The following CTNND2 variants were observed in gnomAD, a reference collection of about 807,000 sequenced individuals.
The protein encoded by CTNND2 is catenin delta-2.
Under a neutral mutation model 144.4 loss-of-function variants are expected in CTNND2, and 22 were observed. The ratio of observed to expected loss-of-function variants is 0.15; its 90% confidence interval spans 0.11 to 0.22. The LOEUF (loss-of-function observed/expected upper bound fraction) is 0.22, where lower values mean the gene tolerates loss of function less well. Ranked by LOEUF, CTNND2 falls within the 10% of genes least tolerant of loss-of-function variation. The probability of loss-of-function intolerance (pLI) is 1.00; values close to 1 mark genes in which losing one functional copy is unlikely to be tolerated. For missense variants in CTNND2, 1,353 were observed against 1,618.8 expected (o/e 0.84, Z 2.82); for synonymous variants, 751 against 695.6 (o/e 1.08, Z -1.25).
intron 2 of CTNND2, among the ~76,000 whole-genome samples, chr5:11,566,445 A>C (rs1286406485): frequency 6.6e-6 from 1 of 152,128 alleles, no homozygotes; most frequent in Non-Finnish European, 1.5e-5. Flanking sequence ...CCCTTTTCAT[A>C]ATATCCAACT....
At chr5:11,334,339 C>T (rs148834021) in intron 9 of CTNND2, among the ~76,000 whole-genome samples, 115 of 152,194 alleles carry the variant, frequency 7.6e-4, no homozygotes, top group African/African-American at 2.7e-3. Context: ...TTCTATGGCA[C>T]GTGAGTATCT....
chr5:11,504,149 T>C (rs1437392096), intron 3 of CTNND2, among the ~76,000 whole-genome samples: 1 of 152,192 alleles, frequency 6.6e-6, no homozygotes, highest in Non-Finnish European at 1.5e-5. Flanking sequence ...GTGAATAAGA[T>C]AACCATGAAG....
intron 16 of CTNND2, among the ~76,000 whole-genome samples, chr5:11,079,917 A>G (rs1279028675): frequency 1.3e-5 from 2 of 152,360 alleles, no homozygotes; most frequent in East Asian, 3.9e-4. Context: ...GGTCTGGGCA[A>G]TAATGTTTTT....
intron 10 of CTNND2, among the ~76,000 whole-genome samples, chr5:11,231,186 G>A (rs184362241): frequency 1.3e-5 from 2 of 152,046 alleles, no homozygotes; most frequent in Non-Finnish European, 2.9e-5. Context: ...TAAGTTTTCT[G>A]AGGCATCTCC....
At chr5:11,271,868 A>C (rs1044176624) in intron 9 of CTNND2, among the ~76,000 whole-genome samples, 2 of 152,156 alleles carry the variant, frequency 1.3e-5, no homozygotes, top group Non-Finnish European at 2.9e-5. Context: ...TAACATAAGG[A>C]GAAAACAACT....
intron 3 of CTNND2, among the ~76,000 whole-genome samples, chr5:11,446,033 G>A (rs1188264831): frequency 5.3e-5 from 8 of 152,138 alleles, no homozygotes; most frequent in East Asian, 1.9e-4. Flanking sequence ...GTGCAGTGGC[G>A]CGATCTTGGC....
At position 11,441,149 on chromosome 5, in the gene CTNND2, G is replaced by A. The variant is rs530220202; in HGVS notation, c.288-29080C>T. 9.9e-5 allele frequency among the ~76,000 whole-genome samples: 15 copies of A among 152,138 alleles called. No homozygotes were observed. The South Asian group carries it at 2.5e-3, about 25-fold the overall frequency. Reference sequence around the variant, plus strand: ...AAAAATTATATGGGGATCATATTTGGTAATTACTTTTTGTTACTGAAATGT... The same window carrying A: ...AAAAATTATATGGGGATCATATTTGATAATTACTTTTTGTTACTGAAATGT... On this transcript the variant is annotated intron_variant, in intron 3 of 21. Transcript: ENST00000304623.
chr5:11,317,888 G>A (rs1005803592), intron 9 of CTNND2, among the ~76,000 whole-genome samples: 1 of 152,164 alleles, frequency 6.6e-6, no homozygotes, highest in Non-Finnish European at 1.5e-5. Flanking sequence ...AAAGGGTGCA[G>A]GGCTTCAAAT....
intron 2 of CTNND2, among the ~76,000 whole-genome samples, chr5:11,657,342 G>A (rs1249747270): frequency 6.6e-6 from 1 of 151,992 alleles, no homozygotes; most frequent in Non-Finnish European, 1.5e-5. Flanking sequence ...TTTTCCAAAA[G>A]GTATAAAATA....
intron 13 of CTNND2, among the ~76,000 whole-genome samples, chr5:11,113,165 A>C (rs563749154): frequency 6.6e-6 from 1 of 151,876 alleles, no homozygotes; most frequent in African/African-American, 2.4e-5. Flanking sequence ...AAAAACAAGC[A>C]AAAAAAACAC....
At chr5:11,693,710 A>C (rs1785010590) in intron 2 of CTNND2, among the ~76,000 whole-genome samples, 1 of 152,228 alleles carries the variant, frequency 6.6e-6, no homozygotes, top group Admixed American at 6.5e-5. Flanking sequence ...ATTATCAATA[A>C]TTATTTAATA....
chr5:11,819,352 T>G (rs1257368812), intron 1 of CTNND2, among the ~76,000 whole-genome samples: 1 of 152,088 alleles, frequency 6.6e-6, no homozygotes, highest in Non-Finnish European at 1.5e-5. Context: ...GAGAATCACT[T>G]GAGCCCAGGA....
At chr5:11,178,954 C>A (rs1022392546) in intron 11 of CTNND2, among the ~76,000 whole-genome samples, 1 of 152,126 alleles carries the variant, frequency 6.6e-6, no homozygotes, top group South Asian at 2.1e-4. Flanking sequence ...TAAAATTACC[C>A]CACTGAGATG....
At chr5:11,654,300 T>C (rs1033136009) in intron 2 of CTNND2, among the ~76,000 whole-genome samples, 2 of 152,094 alleles carry the variant, frequency 1.3e-5, no homozygotes, top group Admixed American at 6.6e-5. Context: ...ATTACAGTCA[T>C]TCAACCTGTA....
intron 20 of CTNND2, among the ~76,000 whole-genome samples, chr5:10,985,007 G>C (rs1187197554): frequency 1.3e-5 from 2 of 152,140 alleles, no homozygotes; most frequent in Non-Finnish European, 2.9e-5. Context: ...CCGGGAGGTG[G>C]AGGTTACAGT....
intron 3 of CTNND2, among the ~76,000 whole-genome samples, chr5:11,508,677 C>T (rs1321714562): frequency 6.6e-6 from 1 of 152,054 alleles, no homozygotes; most frequent in Non-Finnish European, 1.5e-5. Flanking sequence ...TACGGGAGGC[C>T]GAGGTGGGTG....
At chr5:11,479,284 A>G (rs1768026259) in intron 3 of CTNND2, among the ~76,000 whole-genome samples, 1 of 152,160 alleles carries the variant, frequency 6.6e-6, no homozygotes, top group Admixed American at 6.5e-5. Context: ...TTTGTTAAGG[A>G]CGATGGTCTA....
At position 11,384,729 on chromosome 5, in the gene CTNND2, C is replaced by T. The variant is rs554473547; in HGVS notation, c.1113G>A (p.Gln371=). The T allele has an allele frequency of 2.8e-5, 45 of 1,612,590 alleles. 1 individual carries two copies. In the South Asian group the frequency reaches 4.8e-4, roughly 17 times the overall value. Reference sequence around the variant, plus strand: ...ACAGCTCCTGCGAGTGCTTGCTGTACTGCTCGGACGCGTGGACCAGGCGCT... The same window carrying T: ...ACAGCTCCTGCGAGTGCTTGCTGTATTGCTCGGACGCGTGGACCAGGCGCT... ...PTKRLVHASE[Q]YSKHSQELYA... The change falls in exon 7 of 22, where the codon CAG becomes CAA. Residue 371 remains glutamine, a synonymous_variant. Transcript: ENST00000304623. The surrounding 1 kb of genome is among the most constrained non-coding windows in gnomAD (Gnocchi z 5.2).
intron 18 of CTNND2, among the ~76,000 whole-genome samples, chr5:11,001,570 G>T (rs761817889): frequency 6.6e-6 from 1 of 152,100 alleles, no homozygotes; most frequent in Admixed American, 6.6e-5. Context: ...AATTTCACAG[G>T]TTTTATAGCT....
Sources: allele counts gnomAD v4.1 joint callset (sites outside exome capture counted in the v4.1 genomes callset), GRCh38; gene constraint gnomAD v4.1.1; non-coding constraint Gnocchi (gnomAD v3.1); transcripts MANE v1.5; gene names NCBI Gene and HGNC (gene_info 2026-07-23, HGNC 2026-07-21).